Variants in SIM1 observed in about 807,000 individuals in gnomAD.
The protein encoded by SIM1 is SIM bHLH transcription factor 1, also known as single-minded homolog 1.
A neutral mutation model predicts 78.2 loss-of-function variants in SIM1; 18 were observed. The ratio of observed to expected loss-of-function variants is 0.23; its 90% CI spans 0.16 to 0.34. The LOEUF (loss-of-function observed/expected upper bound fraction) is 0.34. Ranked by LOEUF, SIM1 falls within the 10% of genes least tolerant of loss-of-function variation. The pLI is 1.00. For synonymous variants in SIM1, 417 were observed against 385.2 expected (o/e 1.08, Z -0.97); for missense variants, 939 against 975.1 (o/e 0.96, Z 0.49).
At chr6:100,396,785 C>A (rs1770779896) in intron 10 of SIM1, among the ~76,000 whole-genome samples, 1 of 152,102 alleles carries the variant, frequency 6.6e-6, no homozygotes, top group East Asian at 1.9e-4. Flanking sequence ...ATTACTTGAT[C>A]CAAAATATTT....
intron 2 of SIM1, among the ~76,000 whole-genome samples, chr6:100,458,480 G>C (rs1463387988): frequency 6.6e-6 from 1 of 152,214 alleles, no homozygotes; most frequent in East Asian, 1.9e-4. Flanking sequence ...AGGTTTAGAC[G>C]ACTGCTTGCC....
Position 100,390,384 on chromosome 6 carries a change from CAG to C in SIM1, c.2276_2277del (p.Ser759CysfsTer12). On this transcript the variant is annotated frameshift_variant, in exon 12 of 12. Coordinates refer to ENST00000369208, the MANE Select transcript of SIM1 (RefSeq NM_005068.3). LOFTEE classifies it high-confidence loss of function. ...PDPAQGHKGT[S>X]VIITNGS ...CATCAGCTTCCGTTGGTTATTATAA[CAG>C]ATGTTCCCTTGTGTCCTTGTGCTGG... 1 of 1,613,482 alleles carries C rather than the reference CAG, an allele frequency of 6.2e-7. No homozygotes were observed. The highest frequency in any genetic ancestry group is 1.1e-5 in the South Asian group (1 of 90,908).
At chr6:100,450,692 T>TCACACA (rs1554224917) in intron 3 of SIM1, among the ~76,000 whole-genome samples, 14 of 88,284 alleles carry the variant, frequency 1.6e-4, no homozygotes, top group Non-Finnish European at 2.2e-4. Flanking sequence ...TCTCTCTCTC[T>TCACACA]CTCTCACACA....
chr6:100,414,656 G>A (rs1451113732), intron 10 of SIM1, among the ~76,000 whole-genome samples: 1 of 152,090 alleles, frequency 6.6e-6, no homozygotes, highest in Admixed American at 6.6e-5. Flanking sequence ...GTTGTTAATG[G>A]TCAAGGATTA....
chr6:100,426,645 A>G (rs1296432809), intron 9 of SIM1, among the ~76,000 whole-genome samples: 2 of 152,336 alleles, frequency 1.3e-5, no homozygotes, highest in South Asian at 2.1e-4. Flanking sequence ...ATGTGGAACT[A>G]TTTACAATTT....
rs1366659349 is a variant in SIM1, at chr6:100,412,647, A to G, written c.1167+8143T>C. Among the ~76,000 whole-genome samples, 141 of 106,568 alleles carry G rather than the reference A, an allele frequency of 1.3e-3. 7 individuals carry two copies. The highest frequency in any genetic ancestry group is 3.4e-3 in the East Asian group (7 of 2,040). 69.9% of individuals were successfully genotyped at this position (106,568 alleles called of 152,430 possible). A position where few individuals can be genotyped will look rare whatever the true frequency, so the allele number is the denominator to read the frequency against. On this transcript the variant is annotated intron_variant, in intron 10 of 11. Coordinates refer to ENST00000369208, the MANE Select transcript of SIM1 (RefSeq NM_005068.3). ...AGGAAAGAAAGAAAGAAAAGAAAGA[A>G]AGAAAGAAAGAGAGAGAGAGAGAGA...
At chr6:100,401,880 A>G (rs1300656527) in intron 10 of SIM1, among the ~76,000 whole-genome samples, 1 of 152,184 alleles carries the variant, frequency 6.6e-6, no homozygotes, top group Non-Finnish European at 1.5e-5. Flanking sequence ...TTTATTTCTG[A>G]CTGTTAATAT....
chr6:100,390,029 A>G lies in SIM1; in HGVS notation c.*332T>C, dbSNP rs1451449946. 2.3e-5 allele frequency: 9 copies of G among 397,694 alleles called. No individual in the cohort carries two copies. The highest frequency in any genetic ancestry group is 6.4e-4 in the Middle Eastern group (1 of 1,570). 24.6% of individuals were successfully genotyped at this position (397,694 alleles called of 1,614,324 possible). On this transcript the variant is annotated 3_prime_UTR_variant, in exon 12 of 12. Transcript: ENST00000369208. ...TTTGTGTGTTTGAGGATCACTGGAT[A>G]GTCACAATGCAATGTTGTCATTCAT...
intron 10 of SIM1, among the ~76,000 whole-genome samples, chr6:100,412,735 G>GA (rs768082208): frequency 2.3e-4 from 33 of 140,670 alleles, no homozygotes; most frequent in South Asian, 4.5e-4. Context: ...AAGAAAGAAA[G>GA]AAAGAAAGAA....
chr6:100,393,593 G>A lies in SIM1; in HGVS notation c.1464C>T (p.Pro488=). ...GCAAGGCTGCGCGAGAGCCCCACCA[G>A]GGCTCCCTCCCGGCCTGCGGCGTTC... The part of the protein sequence containing the change: ...FLGTPQAGRE[P]WWGSRAALPL... The change falls in exon 11 of 12, where the codon CCC becomes CCT. Residue 488 remains proline (P), a synonymous_variant. Coordinates refer to ENST00000369208, the MANE Select transcript of SIM1 (RefSeq NM_005068.3). 6.2e-7 allele frequency: 1 copy of A among 1,613,850 alleles called. No individual in the cohort carries two copies. Among genetic ancestry groups the A allele is most frequent in the South Asian group, 1.1e-5 (1 of 91,052 alleles).
chr6:100,405,570 A>C (rs1322913531), intron 10 of SIM1, among the ~76,000 whole-genome samples: 1 of 151,930 alleles, frequency 6.6e-6, no homozygotes, highest in African/African-American at 2.4e-5. Flanking sequence ...TTTACCTTTT[A>C]TCCATATTTT....
At chr6:100,464,295 G>A (rs1772934540) in intron 1 of SIM1, among the ~76,000 whole-genome samples, 1 of 152,208 alleles carries the variant, frequency 6.6e-6, no homozygotes, top group Non-Finnish European at 1.5e-5. Flanking sequence ...TCCAAGGCGA[G>A]GCAGGGGCCT....
At chr6:100,402,627 G>C (rs946623479) in intron 10 of SIM1, among the ~76,000 whole-genome samples, 2 of 132,742 alleles carry the variant, frequency 1.5e-5, no homozygotes, top group Non-Finnish European at 3.1e-5. Context: ...GCCCAGGCTG[G>C]AGTGCAGTGG....
Position 100,423,126 on chromosome 6 carries a change from C to A in SIM1, c.999-2168G>T, listed in dbSNP as rs181089249. ...TTTAGCTCTAATCAACTCCAAGGACCATATAGACTCTGAGCACTCTGTCAG... is the reference window on the plus strand; with the variant it reads ...TTTAGCTCTAATCAACTCCAAGGACAATATAGACTCTGAGCACTCTGTCAG... On this transcript the variant is annotated intron_variant, in intron 9 of 11. Transcript: ENST00000369208. Among the ~76,000 whole-genome samples, 438 of 152,326 alleles carry A rather than the reference C, an allele frequency of 2.9e-3. 3 individuals carry two copies. The highest frequency in any genetic ancestry group is 9.5e-3 in the African/African-American group (394 of 41,564).
intron 10 of SIM1, among the ~76,000 whole-genome samples, chr6:100,405,837 C>T (rs542449377): frequency 2.0e-5 from 3 of 152,192 alleles, no homozygotes; most frequent in East Asian, 3.9e-4. Flanking sequence ...GGGTGATGTG[C>T]AGCTGGAAGG....
chr6:100,412,671 G>A (rs199855508), intron 10 of SIM1, among the ~76,000 whole-genome samples: 1,091 of 95,862 alleles, frequency 0.011, 15 homozygotes, highest in East Asian at 0.025. Context: ...GAGAGAGAGA[G>A]AGAAAGAAAG....
chr6:100,411,541 C>T (rs1157364579), intron 10 of SIM1, among the ~76,000 whole-genome samples: 2 of 152,200 alleles, frequency 1.3e-5, no homozygotes, highest in Non-Finnish European at 2.9e-5. Flanking sequence ...GTATGTTCCC[C>T]TCTTCTTGGG....
At chr6:100,405,148 T>G (rs2114480161) in intron 10 of SIM1, among the ~76,000 whole-genome samples, 1 of 152,114 alleles carries the variant, frequency 6.6e-6, no homozygotes, top group Non-Finnish European at 1.5e-5. Flanking sequence ...TCACAAATTT[T>G]TAGCATTGGA....
intron 10 of SIM1, among the ~76,000 whole-genome samples, chr6:100,408,008 GC>G (rs1424851289): frequency 6.6e-6 from 1 of 151,832 alleles, no homozygotes; most frequent in Non-Finnish European, 1.5e-5. Context: ...ATTTATTTTT[GC>G]TTTTGTTGTC....
Sources: gnomAD v4.1 joint callset for allele counts (sites outside exome capture counted in the v4.1 genomes callset) on GRCh38, gnomAD v4.1.1 for gene constraint, MANE v1.5 for transcripts, NCBI Gene and HGNC (gene_info 2026-07-23, HGNC 2026-07-21) for gene names.